Variants in MYO10 observed in about 807,000 individuals in gnomAD.
The protein encoded by MYO10 is unconventional myosin-X.
A neutral mutation model predicts 257.3 loss-of-function variants in MYO10; 133 were observed. That is an observed-to-expected ratio of 0.52 (90% CI 0.45 to 0.60). The LOEUF is 0.60. MYO10 is among the 20% of genes least tolerant of loss of function. The pLI is 0.00. For synonymous variants in MYO10, 1,104 were observed against 1,028.6 expected, an observed-to-expected ratio of 1.07 and a Z score of -1.40; for missense variants, 2,399 against 2,635.7, an observed-to-expected ratio of 0.91 and a Z score of 1.97.
At chr5:16,852,810 C>G (rs968025738) in intron 2 of MYO10, among the ~76,000 whole-genome samples, 5 of 152,132 alleles carry the variant, frequency 3.3e-5, no homozygotes, top group African/African-American at 1.2e-4. Flanking sequence ...CCCCCAAATT[C>G]CCTGAGTTTA....
intron 16 of MYO10, among the ~76,000 whole-genome samples, chr5:16,761,763 C>T (rs1445220003): frequency 3.3e-5 from 5 of 152,156 alleles, no homozygotes; most frequent in African/African-American, 1.2e-4. Flanking sequence ...AATCCTCCCA[C>T]CTCGGCCTCC....
At chr5:16,867,408 G>A (rs1282295272) in intron 2 of MYO10, among the ~76,000 whole-genome samples, 1 of 151,984 alleles carries the variant, frequency 6.6e-6, no homozygotes, top group Non-Finnish European at 1.5e-5. Flanking sequence ...GGTGTGAAAA[G>A]GTCAAAAGGT....
chr5:16,736,372 A>T (rs1182872784), intron 19 of MYO10, among the ~76,000 whole-genome samples: 5 of 152,218 alleles, frequency 3.3e-5, no homozygotes, highest in African/African-American at 1.2e-4. Context: ...GGAGCAACTG[A>T]ATAGAAGTGG....
At chr5:16,687,663 C>G (rs868203280) in intron 28 of MYO10, among the ~76,000 whole-genome samples, 2 of 151,862 alleles carry the variant, frequency 1.3e-5, no homozygotes, top group South Asian at 4.2e-4. Context: ...CGCGTGCTTC[C>G]TAAGGGAGAA....
intron 36 of MYO10, 139 bp from the exon 37 acceptor site, chr5:16,672,964 G>T: frequency 1.1e-6 from 1 of 930,568 alleles, no homozygotes; most frequent in Non-Finnish European, 1.6e-6. Flanking sequence ...TACCCGTGTG[G>T]TCATCCCAGA....
In MYO10 at chr5:16,694,655, G is replaced by C. The variant is rs775194569; in HGVS notation, c.3557-41C>G. The C allele has an allele frequency of 4.4e-6, 7 of 1,607,300 alleles. No homozygotes were observed. In the South Asian group the frequency reaches 7.7e-5, roughly 18 times the overall value. On this transcript the variant is annotated intron_variant, in intron 26 of 40. Coordinates refer to ENST00000513610, the MANE Select transcript of MYO10 (RefSeq NM_012334.3). Reference sequence around the variant, plus strand: ...TTGGGTAGAGAGGGGTGAAAGAAAAGTCAGTCAAGTTGGATGACAACAACA... The same window carrying C: ...TTGGGTAGAGAGGGGTGAAAGAAAACTCAGTCAAGTTGGATGACAACAACA...
At chr5:16,693,040 C>T (rs540231286) in intron 27 of MYO10, among the ~76,000 whole-genome samples, 47 of 152,218 alleles carry the variant, frequency 3.1e-4, no homozygotes, top group East Asian at 9.7e-4. Context: ...CCAAGGCAGG[C>T]GGATGGCTTT....
At chr5:16,710,614 T>C (rs2126574958) in intron 21 of MYO10, 1 of 406,392 alleles carries the variant, frequency 2.5e-6, no homozygotes, top group South Asian at 3.3e-5. Flanking sequence ...AGTACTGTTA[T>C]TCGTCTGCCA....
chr5:16,736,903 T>A (rs1739827160), intron 19 of MYO10, among the ~76,000 whole-genome samples: 2 of 152,212 alleles, frequency 1.3e-5, no homozygotes, highest in Admixed American at 6.5e-5. Flanking sequence ...CGTAGACCCC[T>A]ACTTATGTGT....
intron 19 of MYO10, among the ~76,000 whole-genome samples, chr5:16,745,048 A>T (rs924021364): frequency 1.3e-5 from 2 of 152,138 alleles, no homozygotes; most frequent in African/African-American, 4.8e-5. Context: ...TACAATTAAG[A>T]CCTTTCCCAG....
At chr5:16,796,131 G>A (rs1741933432) in intron 3 of MYO10, among the ~76,000 whole-genome samples, 2 of 148,878 alleles carry the variant, frequency 1.3e-5, no homozygotes, top group Admixed American at 6.7e-5. Context: ...GGAGGTTGCA[G>A]TGAGCCAAGA....
chr5:16,677,073 G>A (rs1736760365), intron 33 of MYO10, among the ~76,000 whole-genome samples: 1 of 151,928 alleles, frequency 6.6e-6, no homozygotes, highest in Admixed American at 6.6e-5. Flanking sequence ...AGTCTTTCAC[G>A]GAATTTCTTC....
intron 2 of MYO10, among the ~76,000 whole-genome samples, chr5:16,853,414 C>G (rs1403561750): frequency 6.6e-6 from 1 of 152,036 alleles, no homozygotes; most frequent in African/African-American, 2.4e-5. Context: ...TATGTCAGTT[C>G]TCTTCTTAAA....
intron 25 of MYO10, among the ~76,000 whole-genome samples, chr5:16,700,144 A>G (rs1217678279): frequency 6.6e-6 from 1 of 152,206 alleles, no homozygotes; most frequent in Non-Finnish European, 1.5e-5. Context: ...AAACTGGAAA[A>G]GAGTACATTT....
rs539223412 is a variant in MYO10 at position 16,812,942 on chromosome 5, T to A, written c.279+5067A>T. On this transcript the variant is annotated intron_variant, in intron 3 of 40. Coordinates refer to ENST00000513610, the MANE Select transcript of MYO10 (RefSeq NM_012334.3). ...GGTGCTTTTATTTTTTTTTTTTTTT[T>A]ATCACTTTCTACCCCATTTCAATAG... is the stretch of plus-strand genomic sequence containing the variant. Among the ~76,000 whole-genome samples the A allele has an allele frequency of 3.2e-3, 480 of 151,362 alleles. 2 individuals are homozygous for A. The highest frequency in any genetic ancestry group is 0.011 in the African/African-American group (443 of 41,186).
chr5:16,868,561 C>T (rs1412835753), intron 2 of MYO10, among the ~76,000 whole-genome samples: 2 of 151,858 alleles, frequency 1.3e-5, no homozygotes, highest in Non-Finnish European at 2.9e-5. Context: ...GCCAAGATCG[C>T]GCCACTGCAC....
intron 21 of MYO10, among the ~76,000 whole-genome samples, chr5:16,707,590 A>T (rs1440852140): frequency 1.3e-5 from 2 of 152,228 alleles, no homozygotes; most frequent in South Asian, 2.1e-4. Context: ...ACTGAGGAAG[A>T]AAAGTCTGAC....
intron 35 of MYO10, among the ~76,000 whole-genome samples, chr5:16,674,147 TGAAA>T (rs745742359): frequency 2.0e-5 from 3 of 152,330 alleles, no homozygotes; most frequent in South Asian, 2.1e-4. Context: ...TGTTAATACT[TGAAA>T]GAGTCATGCC....
chr5:16,683,417 G>C (rs1328729084), intron 30 of MYO10, among the ~76,000 whole-genome samples: 1 of 152,126 alleles, frequency 6.6e-6, no homozygotes, highest in Non-Finnish European at 1.5e-5. Flanking sequence ...AGGGTGCCAA[G>C]AAAGAAGAAA....
Sources: gnomAD v4.1 joint callset for allele counts (sites outside exome capture counted in the v4.1 genomes callset) on GRCh38, gnomAD v4.1.1 for gene constraint, MANE v1.5 for transcripts, NCBI Gene and HGNC (gene_info 2026-07-23, HGNC 2026-07-21) for gene names.